Variants in SUGCT observed in about 807,000 individuals in gnomAD.
SUGCT encodes the protein succinyl-CoA:glutarate-CoA transferase.
Under a neutral mutation model 55.0 loss-of-function variants are expected in SUGCT, and 41 were observed. That is an observed-to-expected ratio of 0.74 (90% CI 0.58 to 0.97). The LOEUF is 0.97. Ranked by LOEUF, SUGCT falls within the 50% of genes least tolerant of loss-of-function variation. SUGCT has a pLI of 0.00. For synonymous variants in SUGCT, 187 were observed against 200.4 expected (o/e 0.93, Z 0.56); for missense variants, 568 against 547.8 (o/e 1.04, Z -0.37).
At chr7:40,785,179 A>T (rs1320627102) in intron 13 of SUGCT, 1 of 152,190 alleles carries the variant, frequency 6.6e-6, no homozygotes. Context: ...CATTTCTTCT[A>T]TTAGGGAGAA....
chr7:40,432,286 C>T (rs939435317), intron 9 of SUGCT, among the ~76,000 whole-genome samples: 2 of 152,182 alleles, frequency 1.3e-5, no homozygotes, highest in Admixed American at 6.5e-5. Context: ...ACTTTCAATA[C>T]ATTATCCTAT....
At chr7:40,655,381 A>G (rs1182467213) in intron 12 of SUGCT, among the ~76,000 whole-genome samples, 1 of 152,224 alleles carries the variant, frequency 6.6e-6, no homozygotes, top group Non-Finnish European at 1.5e-5. Context: ...AATGTGCTAT[A>G]AATGTACTGG....
the SUGCT span, among the ~76,000 whole-genome samples, chr7:41,002,149 T>C: frequency 6.6e-6 from 1 of 152,150 alleles, no homozygotes. Flanking sequence ...GCCTCCTGAG[T>C]AGCTGGGACT....
chr7:40,899,495 C>T, the SUGCT span, among the ~76,000 whole-genome samples: 3 of 152,108 alleles, frequency 2.0e-5, no homozygotes, highest in Non-Finnish European at 4.4e-5. Flanking sequence ...AACGCACACG[C>T]TGAGACAGAA....
intron 12 of SUGCT, among the ~76,000 whole-genome samples, chr7:40,582,304 G>A (rs945644560): frequency 1.1e-4 from 17 of 152,066 alleles, no homozygotes; most frequent in African/African-American, 2.7e-4. Context: ...TAATCTGTAC[G>A]TGATTTCCTA....
At chr7:40,659,700 C>G (rs1267602710) in intron 12 of SUGCT, among the ~76,000 whole-genome samples, 1 of 152,154 alleles carries the variant, frequency 6.6e-6, no homozygotes, top group Non-Finnish European at 1.5e-5. Flanking sequence ...AACAAAACAG[C>G]AGGAAAAAGA....
intron 7 of SUGCT, among the ~76,000 whole-genome samples, chr7:40,268,676 G>A (rs1357154864): frequency 5.9e-5 from 9 of 151,298 alleles, no homozygotes; most frequent in Non-Finnish European, 4.4e-5. Context: ...CCGAGTTGGA[G>A]TCTTGCCCTG....
Position 40,272,105 on chromosome 7 carries a change from ATATATATG to A in SUGCT, c.577-2407_577-2400del, listed in dbSNP as rs1444887667. Among the ~76,000 whole-genome samples the A allele has an allele frequency of 1.6e-3, 203 of 127,590 alleles. 17 individuals are homozygous for A. The highest frequency in any genetic ancestry group is 6.3e-3 in the African/African-American group (198 of 31,258). The allele number at this position is 127,590 out of a possible 152,430, so 83.7% of individuals were successfully genotyped here. On this transcript the variant is annotated intron_variant, in intron 7 of 13. Transcript: ENST00000335693. ...TCTCTCTCTCTCTCTCTATATATAT[ATATATATG>A]GATGTTTCAAAAACAACTGCAATGT... is the stretch of plus-strand genomic sequence containing the variant.
intron 13 of SUGCT, among the ~76,000 whole-genome samples, chr7:40,834,295 C>A (rs569865113): frequency 3.9e-5 from 6 of 152,190 alleles, no homozygotes; most frequent in African/African-American, 1.4e-4. Context: ...CAAAGACATA[C>A]GCTTGGACCC....
At chr7:40,953,557 T>C in the SUGCT span, among the ~76,000 whole-genome samples, 1 of 152,252 alleles carries the variant, frequency 6.6e-6, no homozygotes, top group Non-Finnish European at 1.5e-5. Context: ...GTTTTTCTGC[T>C]CTGTTTTTTC....
the SUGCT span, among the ~76,000 whole-genome samples, chr7:40,898,365 C>T: frequency 6.6e-6 from 1 of 151,880 alleles, no homozygotes; most frequent in South Asian, 2.1e-4. Context: ...CTCCTGAAGT[C>T]AGCAAGAGCA....
chr7:40,607,759 A>G (rs1467570933), intron 12 of SUGCT, among the ~76,000 whole-genome samples: 2 of 152,214 alleles, frequency 1.3e-5, no homozygotes, highest in African/African-American at 2.4e-5. Context: ...ACACCATCTC[A>G]TTTAATCCTC....
At chr7:40,601,379 C>G (rs897080132) in intron 12 of SUGCT, among the ~76,000 whole-genome samples, 4 of 152,172 alleles carry the variant, frequency 2.6e-5, no homozygotes, top group Admixed American at 6.6e-5. Context: ...CTGTAACCGT[C>G]AAGAACACAT....
chr7:40,508,322 C>CT lies in SUGCT; in HGVS notation c.1089+11937dup, dbSNP rs556565897. ...CCGTGCCTAAGGTAGAGCTTCCACCCTATGTGTGGGGATGGGATGGGGGAA... is the reference window on the plus strand; with the variant it reads ...CCGTGCCTAAGGTAGAGCTTCCACCCTTATGTGTGGGGATGGGATGGGGGAA... On this transcript the variant is annotated intron_variant, in intron 12 of 13. Transcript: ENST00000335693. Among the ~76,000 whole-genome samples the CT allele has an allele frequency of 3.9e-3, 597 of 152,266 alleles. 2 individuals carry two copies. Among genetic ancestry groups the CT allele is most frequent in the African/African-American group, 0.014 (567 of 41,540 alleles).
chr7:40,643,926 G>A (rs549242149), intron 12 of SUGCT, among the ~76,000 whole-genome samples: 1 of 152,270 alleles, frequency 6.6e-6, no homozygotes, highest in South Asian at 2.1e-4. Context: ...CAGTTTGCCT[G>A]CGGGCAGGAC....
chr7:40,407,104 C>T (rs1786412789), intron 9 of SUGCT, among the ~76,000 whole-genome samples: 1 of 152,020 alleles, frequency 6.6e-6, no homozygotes, highest in African/African-American at 2.4e-5. Flanking sequence ...TTGAAGACTA[C>T]AACAAAGAAA....
At chr7:40,272,888 G>A (rs1248608300) in intron 7 of SUGCT, among the ~76,000 whole-genome samples, 2 of 126,406 alleles carry the variant, frequency 1.6e-5, no homozygotes, top group African/African-American at 6.0e-5. Context: ...TTGAACTCCT[G>A]ACTTCAGGTG....
chr7:40,282,678 T>C (rs1490951172), intron 8 of SUGCT, among the ~76,000 whole-genome samples: 1 of 151,776 alleles, frequency 6.6e-6, no homozygotes, highest in Admixed American at 6.6e-5. Context: ...GGGACCAGCA[T>C]GGCCACTATA....
the SUGCT span, among the ~76,000 whole-genome samples, chr7:40,878,338 C>T: frequency 6.6e-6 from 1 of 152,170 alleles, no homozygotes; most frequent in South Asian, 2.1e-4. Context: ...TATTGAGCTG[C>T]AGACCTTCCC....
Sources: gnomAD v4.1 joint callset for allele counts (sites outside exome capture counted in the v4.1 genomes callset) on GRCh38, gnomAD v4.1.1 for gene constraint, MANE v1.5 for transcripts, NCBI Gene and HGNC (gene_info 2026-07-23, HGNC 2026-07-21) for gene names.